Variants in GRIP1 observed in about 807,000 individuals in gnomAD.
GRIP1 encodes glutamate receptor-interacting protein 1.
GRIP1 carries 45 observed loss-of-function variants against 129.9 expected under a neutral mutation model. That is an observed-to-expected ratio of 0.35 (90% CI 0.27 to 0.44). The LOEUF (loss-of-function observed/expected upper bound fraction) is 0.44, where lower values mean the gene tolerates loss of function less well. Ranked by LOEUF, GRIP1 falls within the 20% of genes least tolerant of loss-of-function variation. The pLI, the probability that GRIP1 is intolerant of heterozygous loss-of-function variation, is 1.00. For missense variants in GRIP1, 1,196 were observed against 1,396.8 expected (o/e 0.86, Z 2.29); for synonymous variants, 530 against 520.8 (o/e 1.02, Z -0.24).
chr12:66,817,235 CACACACACAT>C lies in GRIP1; in HGVS notation c.59-220318_59-220309del, dbSNP rs758861466. On this transcript the variant is annotated intron_variant, in intron 1 of 1. Coordinates refer to the GRIP1 transcript ENST00000643019. ...ACACACACACACACACACACACACA[CACACACACAT>C]ATATATTTCCCACGGACTATTTCAT... Among the ~76,000 whole-genome samples the C allele has an allele frequency of 5.4e-3, 792 of 146,900 alleles. 2 individuals carry two copies. Among genetic ancestry groups the C allele is most frequent in the Non-Finnish European group, 8.2e-3 (552 of 67,576 alleles).
chr12:66,936,014 A>G (rs907061442), intron 1 of GRIP1, among the ~76,000 whole-genome samples: 2 of 149,088 alleles, frequency 1.3e-5, no homozygotes, highest in African/African-American at 4.9e-5. Flanking sequence ...CATGTAATGA[A>G]ACAAACAAAC....
At chr12:67,028,220 A>T (rs1236544425) in intron 1 of GRIP1, among the ~76,000 whole-genome samples, 3 of 152,200 alleles carry the variant, frequency 2.0e-5, no homozygotes, top group African/African-American at 7.2e-5. Context: ...TCTTATTAAT[A>T]CTGATTTCCC....
At chr12:66,692,912 G>A (rs558085284) in intron 1 of GRIP1, among the ~76,000 whole-genome samples, 1 of 152,260 alleles carries the variant, frequency 6.6e-6, no homozygotes, top group South Asian at 2.1e-4. Flanking sequence ...GTCATGACTT[G>A]TGCTGAGGAG....
intron 5 of GRIP1, among the ~76,000 whole-genome samples, chr12:66,519,177 G>GGC (rs370737530): frequency 4.9e-4 from 74 of 152,068 alleles, no homozygotes; most frequent in African/African-American, 1.6e-3. Context: ...TCCTCAGGAA[G>GGC]GCAAATGCTT....
rs1057370249 is a variant in GRIP1, at chr12:66,555,980, C to T, written c.137-14030G>A. The stretch of plus-strand genomic sequence containing the variant: ...ATTAACCTTAATGAGGATGTAGAGA[C>T]AGATAGGGATGTAGAGACAGATATT... On this transcript the variant is annotated intron_variant, in intron 2 of 24. Transcript: ENST00000359742. Among the ~76,000 whole-genome samples the T allele has an allele frequency of 1.8e-4, 28 of 152,046 alleles. 1 individual carries two copies. The highest frequency in any genetic ancestry group is 6.5e-4 in the African/African-American group (27 of 41,396).
At chr12:67,055,277 T>TATG in intron 1 of GRIP1, among the ~76,000 whole-genome samples, 1 of 151,506 alleles carries the variant, frequency 6.6e-6, no homozygotes, top group Non-Finnish European at 1.5e-5. Flanking sequence ...GAGGGGAGAG[T>TATG]ATGCTGGAGC....
At chr12:66,910,042 A>C (rs2041003032) in intron 1 of GRIP1, among the ~76,000 whole-genome samples, 1 of 152,172 alleles carries the variant, frequency 6.6e-6, no homozygotes, top group Non-Finnish European at 1.5e-5. Context: ...TCTTCTTTTA[A>C]TGGACTTTCA....
chr12:66,539,544 G>GTTTTTTTT (rs1250833017), intron 3 of GRIP1, among the ~76,000 whole-genome samples: 16 of 67,696 alleles, frequency 2.4e-4, no homozygotes, highest in African/African-American at 9.2e-4. Flanking sequence ...ATCAAGAGAA[G>GTTTTTTTT]CTTTTTTTTT....
chr12:67,026,277 G>A (rs909919790), intron 1 of GRIP1, among the ~76,000 whole-genome samples: 1 of 152,134 alleles, frequency 6.6e-6, no homozygotes, highest in Admixed American at 6.6e-5. Context: ...ACCATTCAAA[G>A]ATAACACCAT....
At chr12:66,743,598 G>T (rs11612962) in intron 1 of GRIP1, among the ~76,000 whole-genome samples, 9,757 of 140,902 alleles carry the variant, frequency 0.069, 400 homozygotes, top group Admixed American at 0.14. Flanking sequence ...CTTTTTTTTT[G>T]TGTGTGTGTG....
chr12:66,816,120 T>C (rs1156916481), intron 1 of GRIP1, among the ~76,000 whole-genome samples: 2 of 152,154 alleles, frequency 1.3e-5, no homozygotes, highest in Non-Finnish European at 2.9e-5. Context: ...CACTTCTGTG[T>C]AGATGTCATT....
At chr12:66,460,423 C>T (rs977834964) in intron 9 of GRIP1, among the ~76,000 whole-genome samples, 8 of 152,158 alleles carry the variant, frequency 5.3e-5, no homozygotes, top group Admixed American at 4.6e-4. Flanking sequence ...CCCTGGAGCT[C>T]TCAAATGGAA....
At chr12:66,549,957 G>A (rs1171355939) in intron 2 of GRIP1, among the ~76,000 whole-genome samples, 3 of 152,138 alleles carry the variant, frequency 2.0e-5, no homozygotes, top group East Asian at 1.9e-4. Context: ...GAAGATATGT[G>A]ATATATGGGT....
At chr12:67,047,465 C>T (rs984493687) in intron 1 of GRIP1, among the ~76,000 whole-genome samples, 1 of 151,888 alleles carries the variant, frequency 6.6e-6, no homozygotes, top group Admixed American at 6.6e-5. Context: ...TTTAACATTC[C>T]CCTTTTTATA....
At chr12:66,618,747 T>C (rs2065146489) in intron 1 of GRIP1, among the ~76,000 whole-genome samples, 1 of 152,154 alleles carries the variant, frequency 6.6e-6, no homozygotes, top group African/African-American at 2.4e-5. Flanking sequence ...TAATGCATGT[T>C]GTGAATGAAC....
At chr12:66,700,477 C>T (rs1432219679) in intron 1 of GRIP1, among the ~76,000 whole-genome samples, 2 of 151,304 alleles carry the variant, frequency 1.3e-5, no homozygotes, top group Admixed American at 6.6e-5. Flanking sequence ...CACCACATTG[C>T]CCAGGCTGGA....
chr12:66,516,965 A>G (rs1264916486), intron 6 of GRIP1, among the ~76,000 whole-genome samples: 1 of 152,208 alleles, frequency 6.6e-6, no homozygotes, highest in Non-Finnish European at 1.5e-5. Flanking sequence ...CAAAGACCTC[A>G]TGTAGAGGGT....
chr12:66,761,506 T>C (rs2037474941), intron 1 of GRIP1, among the ~76,000 whole-genome samples: 1 of 152,174 alleles, frequency 6.6e-6, no homozygotes, highest in Admixed American at 6.5e-5. Context: ...AAAGTCTCAT[T>C]TCCTTCCTCC....
intron 1 of GRIP1, among the ~76,000 whole-genome samples, chr12:66,749,686 C>T (rs1251970982): frequency 2.6e-5 from 4 of 152,118 alleles, no homozygotes; most frequent in Non-Finnish European, 5.9e-5. Context: ...TGGATGTGAG[C>T]AGAATTCACA....
Sources: gnomAD v4.1 joint callset for allele counts (sites outside exome capture counted in the v4.1 genomes callset) on GRCh38, gnomAD v4.1.1 for gene constraint, MANE v1.5 for transcripts, NCBI Gene and HGNC (gene_info 2026-07-23, HGNC 2026-07-21) for gene names.